ACTR3: variants seen among roughly 807,000 people sequenced by gnomAD.
ACTR3 encodes the protein actin related protein 3, also known as actin-related protein 3.
A neutral mutation model predicts 56.8 loss-of-function variants in ACTR3; 12 were observed. The ratio of observed to expected loss-of-function variants is 0.21; its 90% CI spans 0.14 to 0.34. The LOEUF (loss-of-function observed/expected upper bound fraction) is 0.34. ACTR3 is among the 10% of genes least tolerant of loss of function. ACTR3 has a pLI of 1.00. For missense variants in ACTR3, 282 were observed against 512.5 expected (o/e 0.55, Z 4.34); for synonymous variants, 162 against 167.4 (o/e 0.97, Z 0.25).
At chr2:113,939,884 T>C (rs1222171053) in intron 6 of ACTR3, 75 bp from the exon 7 acceptor site, 1 of 1,381,138 alleles carries the variant, frequency 7.2e-7, no homozygotes, top group Admixed American at 2.0e-5. Context: ...TTGGTCTTTA[T>C]TGGTTCATAT....
chr2:113,923,974 A>G (rs1245855852), intron 3 of ACTR3, among the ~76,000 whole-genome samples: 5 of 151,382 alleles, frequency 3.3e-5, no homozygotes, highest in African/African-American at 1.2e-4. Context: ...ACAAAACACA[A>G]TTTTTATGTT....
At chr2:113,920,574 A>G (rs892661480) in intron 3 of ACTR3, among the ~76,000 whole-genome samples, 5 of 152,240 alleles carry the variant, frequency 3.3e-5, no homozygotes, top group African/African-American at 1.2e-4. Context: ...GTGCTATAGA[A>G]CACTAGAACT....
chr2:113,921,570 C>G (rs1679512494), intron 3 of ACTR3, among the ~76,000 whole-genome samples: 4 of 152,108 alleles, frequency 2.6e-5, no homozygotes, highest in Admixed American at 2.6e-4. Flanking sequence ...GAGGTTTCCC[C>G]TAAGTTTTCT....
Position 113,961,121 on chromosome 2 carries a change from C to T in ACTR3, c.*3666C>T, listed in dbSNP as rs574669077. 9 of 152,084 alleles carry T rather than the reference C, an allele frequency of 5.9e-5. No individual in the cohort carries two copies. In the South Asian group the frequency reaches 1.2e-3, roughly 21 times the overall value. The allele number at this position is 152,084 out of a possible 1,614,324, so 9.4% of individuals were successfully genotyped here. A position where few individuals can be genotyped will look rare whatever the true frequency, so the allele number is the denominator to read the frequency against. ...AATTTCTGCTACTCATTGTTGATAACGCTTCAGTACTGTATAAATGTTTAT... is the reference window on the plus strand; with the variant it reads ...AATTTCTGCTACTCATTGTTGATAATGCTTCAGTACTGTATAAATGTTTAT... On this transcript the variant is annotated 3_prime_UTR_variant, in exon 12 of 12. Coordinates refer to ENST00000263238, the MANE Select transcript of ACTR3 (RefSeq NM_005721.5).
chr2:113,949,932 T>G (rs1410531724), intron 8 of ACTR3, among the ~76,000 whole-genome samples: 2 of 152,206 alleles, frequency 1.3e-5, no homozygotes. Flanking sequence ...GCCAGCTGTT[T>G]GGAAATAGTA....
chr2:113,951,615 ACTT>A, intron 9 of ACTR3, 44 bp downstream of exon 9: 1 of 1,556,040 alleles, frequency 6.4e-7, no homozygotes. Context: ...CTTTAAAAAA[ACTT>A]AAACACCTCT....
chr2:113,911,010 G>C (rs1321217765), intron 1 of ACTR3, among the ~76,000 whole-genome samples: 1 of 152,140 alleles, frequency 6.6e-6, no homozygotes, highest in Admixed American at 6.5e-5. Flanking sequence ...GTTTCAGACT[G>C]CTTTGTATTA....
At chr2:113,934,232 GTTT>G in intron 5 of ACTR3, 44 bp from the exon 6 acceptor site, 3 of 954,458 alleles carry the variant, frequency 3.1e-6, no homozygotes, top group Admixed American at 3.1e-5. Flanking sequence ...TTGTTTTTTT[GTTT>G]TTTTTTTTTG....
In ACTR3 at chr2:113,951,496, T is replaced by C. The variant is rs765776744; in HGVS notation, c.876T>C (p.Phe292=). ...FFHPEFANPD[F]TQPISEVVDE... is the part of the protein sequence containing the mutation. ...TTTTTCAGTTTGCTAATCCAGACTTTACACAACCTATCTCAGAAGTTGTAG... is the reference window on the plus strand; with the variant it reads ...TTTTTCAGTTTGCTAATCCAGACTTCACACAACCTATCTCAGAAGTTGTAG... Residue 292 remains phenylalanine (F), a synonymous_variant, in exon 9 of 12, where the codon TTT becomes TTC. Transcript: ENST00000263238. 23 of 1,611,730 alleles carry C rather than the reference T, an allele frequency of 1.4e-5. No individual in the cohort carries two copies. The highest frequency in any genetic ancestry group is 3.3e-5 in the Admixed American group (2 of 59,986).
chr2:113,896,924 A>G (rs1398801761), intron 1 of ACTR3, among the ~76,000 whole-genome samples: 1 of 152,224 alleles, frequency 6.6e-6, no homozygotes, highest in Non-Finnish European at 1.5e-5. Context: ...ACTTGTGGAA[A>G]CAGCTAAAGG....
chr2:113,890,026 G>C, upstream of ACTR3: 2 of 583,670 alleles, frequency 3.4e-6, no homozygotes, highest in Non-Finnish European at 6.1e-6. Flanking sequence ...GGAGTGAGGA[G>C]GAGGGAAGAG....
chr2:113,947,269 G>A (rs918512373), intron 8 of ACTR3, among the ~76,000 whole-genome samples: 2 of 152,226 alleles, frequency 1.3e-5, no homozygotes, highest in African/African-American at 4.8e-5. Flanking sequence ...ATGACCACAC[G>A]ATGGATAATA....
In ACTR3 at chr2:113,917,087, A is replaced by G. The variant is rs563812303; in HGVS notation, c.225+79A>G. The stretch of plus-strand genomic sequence containing the variant: ...GCTTGTGCCCTCTGGAATTCACTCT[A>G]TAATAGACCTTATTAATATCCTCAA... On this transcript the variant is annotated intron_variant, in intron 3 of 11. Coordinates refer to ENST00000263238, the MANE Select transcript of ACTR3 (RefSeq NM_005721.5). 30 of 1,195,464 alleles carry G rather than the reference A, an allele frequency of 2.5e-5. No individual in the cohort carries two copies. In the Admixed American group the frequency reaches 3.8e-4, roughly 15 times the overall value. 74.1% of individuals were successfully genotyped at this position (1,195,464 alleles called of 1,614,324 possible). A position where few individuals can be genotyped will look rare whatever the true frequency, so the allele number is the denominator to read the frequency against.
intron 1 of ACTR3, 27 bp from the exon 2 acceptor site, chr2:113,913,145 A>G (rs1031984791): frequency 1.4e-6 from 2 of 1,448,700 alleles, no homozygotes; most frequent in East Asian, 4.8e-5. Flanking sequence ...TATTAGTGAA[A>G]TCTTTATAAA....
chr2:113,942,373 A>G lies in ACTR3; in HGVS notation c.858+14A>G. 4 of 1,553,514 alleles carry G rather than the reference A, an allele frequency of 2.6e-6. No individual in the cohort carries two copies. The highest frequency in any genetic ancestry group is 3.5e-6 in the Non-Finnish European group (4 of 1,152,084). On this transcript the variant is annotated intron_variant, in intron 8 of 11. Transcript: ENST00000263238. ...TTTCATCCAGAGGTAATTTTTTTTA[A>G]CGGAATTGTTTAAAAGTATTCAGCA...
At chr2:113,925,805 G>A (rs561806313) in intron 3 of ACTR3, among the ~76,000 whole-genome samples, 17 of 152,328 alleles carry the variant, frequency 1.1e-4, no homozygotes, top group East Asian at 5.8e-4. Context: ...AGAGTAAGAA[G>A]TAGATGTTAG....
intron 3 of ACTR3, among the ~76,000 whole-genome samples, chr2:113,926,787 C>A (rs1054543933): frequency 4.6e-5 from 7 of 152,196 alleles, no homozygotes; most frequent in African/African-American, 1.7e-4. Flanking sequence ...TTGGTGGGAA[C>A]ACACCACATC....
At chr2:113,954,783 G>T (rs1165273468) in intron 10 of ACTR3, 2 of 151,580 alleles carry the variant, frequency 1.3e-5, no homozygotes, top group Admixed American at 6.6e-5. Context: ...AGACACCCTT[G>T]TCTTATTCCT....
intron 8 of ACTR3, among the ~76,000 whole-genome samples, chr2:113,950,115 TTATCCCATTAACA>T: frequency 6.6e-6 from 1 of 152,224 alleles, no homozygotes; most frequent in Non-Finnish European, 1.5e-5. Context: ...AACATTTTTG[TTATCCCATTAACA>T]TATACCCTTG....
Sources: gnomAD v4.1 joint callset for allele counts (sites outside exome capture counted in the v4.1 genomes callset) on GRCh38, gnomAD v4.1.1 for gene constraint, MANE v1.5 for transcripts, NCBI Gene and HGNC (gene_info 2026-07-23, HGNC 2026-07-21) for gene names.